Variants in RALB observed in about 807,000 individuals in gnomAD.
RALB encodes the protein ras-related protein Ral-B.
RALB carries 16 observed loss-of-function variants against 21.3 expected under a neutral mutation model. The ratio of observed to expected loss-of-function variants is 0.75; its 90% confidence interval spans 0.51 to 1.14. The LOEUF is 1.14. Among genes scored for constraint, RALB ranks in the 50% most tolerant of loss-of-function variants. The pLI is 0.00. For synonymous variants in RALB, 93 were observed against 96.1 expected, an observed-to-expected ratio of 0.97 and a Z score of 0.19; for missense variants, 161 against 256.2, an observed-to-expected ratio of 0.63 and a Z score of 2.54.
intron 1 of RALB, among the ~76,000 whole-genome samples, chr2:120,268,838 C>T (rs954768771): frequency 6.6e-6 from 1 of 152,022 alleles, no homozygotes; most frequent in Non-Finnish European, 1.5e-5. Flanking sequence ...TGCTTTAGAA[C>T]AGGAAGGAAA....
At chr2:120,246,167 G>A (rs927317756) in intron 1 of RALB, among the ~76,000 whole-genome samples, 3 of 152,242 alleles carry the variant, frequency 2.0e-5, no homozygotes, top group Admixed American at 6.5e-5. Context: ...AAATTCACCA[G>A]GGCGGGGTTT....
intron 4 of RALB, among the ~76,000 whole-genome samples, chr2:120,290,163 G>GT (rs1248886532): frequency 6.6e-6 from 1 of 152,064 alleles, no homozygotes; most frequent in Non-Finnish European, 1.5e-5. Flanking sequence ...CACACTGGCT[G>GT]TTTTTTGTGG....
At chr2:120,277,326 TTG>T (rs531314263) in intron 1 of RALB, among the ~76,000 whole-genome samples, 12,108 of 151,174 alleles carry the variant, frequency 0.08, 645 homozygotes, top group Non-Finnish European at 0.12. Flanking sequence ...GCATGTGAGA[TTG>T]TGTGTGGTGT....
upstream of RALB, among the ~76,000 whole-genome samples, chr2:120,251,903 A>C (rs1395375173): frequency 1.3e-5 from 2 of 152,182 alleles, no homozygotes; most frequent in African/African-American, 4.8e-5. Context: ...GATACATAGC[A>C]ATCTAATCAT....
intron 1 of RALB, among the ~76,000 whole-genome samples, chr2:120,254,710 C>T (rs1162360155): frequency 2.0e-5 from 3 of 152,036 alleles, no homozygotes; most frequent in African/African-American, 4.8e-5. Context: ...CAGAGTCTTG[C>T]GCTATTTCCC....
Position 120,293,364 on chromosome 2 carries a change from G to A in RALB, c.*104G>A, listed in dbSNP as rs1690351490. ...CTTGCTTGTGCTTCCCACTCTCCCC[G>A]ACTTCATTCACTCAAACTTCTTTAA... On this transcript the variant is annotated 3_prime_UTR_variant, in exon 5 of 5. Coordinates refer to ENST00000272519, the MANE Select transcript of RALB (RefSeq NM_002881.3). The A allele has an allele frequency of 7.3e-6, 9 of 1,232,380 alleles. No individual in the cohort carries two copies. Among genetic ancestry groups the A allele is most frequent in the East Asian group, 6.0e-5 (2 of 33,146 alleles). The allele number at this position is 1,232,380 out of a possible 1,614,324, so 76.3% of individuals were successfully genotyped here.
intron 1 of RALB, among the ~76,000 whole-genome samples, chr2:120,246,484 C>CA (rs1369052117): frequency 2.0e-5 from 3 of 152,218 alleles, no homozygotes; most frequent in Non-Finnish European, 4.4e-5. Context: ...CAGGAGAGCA[C>CA]AGCCGAACGT....
intron 4 of RALB, among the ~76,000 whole-genome samples, chr2:120,292,550 C>T (rs1379957341): frequency 6.6e-6 from 1 of 152,188 alleles, no homozygotes; most frequent in African/African-American, 2.4e-5. Flanking sequence ...AGAAAGTCTG[C>T]TTGCTGTTAT....
At chr2:120,267,928 A>C (rs1689542910) in intron 1 of RALB, among the ~76,000 whole-genome samples, 1 of 152,012 alleles carries the variant, frequency 6.6e-6, no homozygotes, top group African/African-American at 2.4e-5. Context: ...AGTAGCTGGG[A>C]TTACAGGCAC....
At chr2:120,254,925 C>G (rs904263959) in intron 1 of RALB, among the ~76,000 whole-genome samples, 2 of 152,218 alleles carry the variant, frequency 1.3e-5, no homozygotes, top group African/African-American at 4.8e-5. Context: ...ATCCTACCAC[C>G]TTGGCCTCTC....
At chr2:120,285,180 A>G (rs1167093612) in intron 2 of RALB, among the ~76,000 whole-genome samples, 1 of 152,190 alleles carries the variant, frequency 6.6e-6, no homozygotes, top group East Asian at 1.9e-4. Flanking sequence ...GCCAGGAAGA[A>G]GTGCAGAGCG....
chr2:120,240,974 G>A (rs1004636103), intron 1 of RALB, among the ~76,000 whole-genome samples: 1 of 152,138 alleles, frequency 6.6e-6, no homozygotes, highest in African/African-American at 2.4e-5. Flanking sequence ...AAGCAAAGTC[G>A]GTGCCTACAG....
chr2:120,256,150 G>T (rs1689194192), intron 1 of RALB, among the ~76,000 whole-genome samples: 2 of 152,162 alleles, frequency 1.3e-5, no homozygotes, highest in African/African-American at 4.8e-5. Flanking sequence ...CTCTCCTGAG[G>T]TTGCAGTCAT....
At chr2:120,261,592 T>A (rs948379152) in intron 1 of RALB, among the ~76,000 whole-genome samples, 11 of 152,232 alleles carry the variant, frequency 7.2e-5, no homozygotes, top group Admixed American at 1.3e-4. Flanking sequence ...AGTGGAGTGC[T>A]GGGAGGCTGC....
chr2:120,277,758 T>C (rs936543124), intron 1 of RALB, among the ~76,000 whole-genome samples: 27 of 151,602 alleles, frequency 1.8e-4, no homozygotes, highest in African/African-American at 6.3e-4. Context: ...AATGTGAGCA[T>C]GTATGACAGC....
rs189322452 is a variant in RALB, at chr2:120,256,947, A to G, written c.-48+3967A>G. On this transcript the variant is annotated intron_variant, in intron 1 of 4. Coordinates refer to ENST00000272519, the MANE Select transcript of RALB (RefSeq NM_002881.3). ...GAAGTATACTGTAGGAGATGGAAAGACAGCTGAGGTCTTTAGTATTGTAGA... is the reference window on the plus strand; with the variant it reads ...GAAGTATACTGTAGGAGATGGAAAGGCAGCTGAGGTCTTTAGTATTGTAGA... Among the ~76,000 whole-genome samples the G allele has an allele frequency of 5.0e-3, 763 of 152,360 alleles. 13 individuals carry two copies. Among genetic ancestry groups the G allele is most frequent in the African/African-American group, 0.018 (737 of 41,580 alleles).
rs562379485 is a variant in RALB at position 120,273,782 on chromosome 2, T to G, written c.-47-4836T>G. 3.9e-5 allele frequency among the ~76,000 whole-genome samples: 6 copies of G among 152,338 alleles called. No individual in the cohort carries two copies. In the South Asian group the frequency reaches 1.2e-3, roughly 32 times the overall value. On this transcript the variant is annotated intron_variant, in intron 1 of 4. Transcript: ENST00000272519. ...GCAGTTTCACCCAAAGTCTGGAGGT[T>G]GCTGTTTCTAGGATTGGTTCAGTGA...
intron 1 of RALB, chr2:120,253,676 G>A (rs910863726): frequency 2.0e-6 from 2 of 985,488 alleles, no homozygotes; most frequent in Non-Finnish European, 1.2e-6. Flanking sequence ...TGTGAGCAGT[G>A]TCCTCTCTGT....
At position 120,255,260 on chromosome 2, in the gene RALB, G is replaced by GT. The variant is rs1291843287; in HGVS notation, c.-48+2289dup. ...CTGCTCTAGACATGCAAGACGCTTG[G>GT]TTTTTTTTTCGTTTTGTTTTTTTAA... On this transcript the variant is annotated intron_variant, in intron 1 of 4. Transcript: ENST00000272519. Among the ~76,000 whole-genome samples the GT allele has an allele frequency of 6.0e-5, 9 of 149,858 alleles. No homozygotes were observed. The East Asian group carries it at 1.8e-3, about 29-fold the overall frequency.
Sources: allele counts gnomAD v4.1 joint callset (sites outside exome capture counted in the v4.1 genomes callset), GRCh38; gene constraint gnomAD v4.1.1; transcripts MANE v1.5; gene names NCBI Gene and HGNC (gene_info 2026-07-23, HGNC 2026-07-21).